The following CUX2 variants were observed in gnomAD, a reference collection of about 807,000 sequenced individuals.
CUX2 encodes the protein homeobox protein cut-like 2.
A neutral mutation model predicts 144.8 loss-of-function variants in CUX2; 40 were observed. That is an observed-to-expected ratio of 0.28 (90% CI 0.21 to 0.36). The LOEUF (loss-of-function observed/expected upper bound fraction) is 0.36, where lower values mean the gene tolerates loss of function less well. Ranked by LOEUF, CUX2 falls within the 10% of genes least tolerant of loss-of-function variation. The probability of loss-of-function intolerance (pLI) is 1.00; values close to 1 mark genes in which losing one functional copy is unlikely to be tolerated. For synonymous variants in CUX2, 827 were observed against 875.6 expected, an observed-to-expected ratio of 0.94 and a Z score of 0.98; for missense variants, 1,615 against 1,994.0, an observed-to-expected ratio of 0.81 and a Z score of 3.62.
intron 7 of CUX2, 22 bp from the exon 8 acceptor site, chr12:111,296,450 AC>A: frequency 6.3e-7 from 1 of 1,592,196 alleles, no homozygotes; most frequent in Non-Finnish European, 8.6e-7. Context: ...GTGGGGCCTC[AC>A]CCTGCCTCTG....
chr12:111,052,194 G>A (rs1870301482), intron 1 of CUX2, among the ~76,000 whole-genome samples: 1 of 152,124 alleles, frequency 6.6e-6, no homozygotes. Context: ...GATCCTTGGA[G>A]CTTACTCAAT....
chr12:111,053,049 G>A (rs1210647544), intron 1 of CUX2, among the ~76,000 whole-genome samples: 1 of 152,038 alleles, frequency 6.6e-6, no homozygotes. Context: ...TTGCCGAACA[G>A]ACTGGCTCTG....
chr12:111,233,095 G>A (rs2136247255), intron 3 of CUX2, among the ~76,000 whole-genome samples: 1 of 152,312 alleles, frequency 6.6e-6, no homozygotes, highest in South Asian at 2.1e-4. Flanking sequence ...GGCATGCCAG[G>A]TAAAAGGAAT....
chr12:111,084,863 G>A (rs1183583547), intron 1 of CUX2, among the ~76,000 whole-genome samples: 1 of 152,148 alleles, frequency 6.6e-6, no homozygotes, highest in Non-Finnish European at 1.5e-5. Context: ...CTTCTGGAGA[G>A]GCTGCTGCGG....
chr12:111,109,056 C>T (rs574117081), intron 1 of CUX2, among the ~76,000 whole-genome samples: 3 of 152,274 alleles, frequency 2.0e-5, no homozygotes, highest in East Asian at 1.9e-4. Context: ...AGCTGTCAGC[C>T]GGTCCATCCA....
intron 4 of CUX2, among the ~76,000 whole-genome samples, chr12:111,267,224 A>C (rs913475887): frequency 5.3e-5 from 8 of 151,378 alleles, no homozygotes; most frequent in Non-Finnish European, 1.0e-4. Flanking sequence ...AAAAGAAAGA[A>C]AGGGAGGGAG....
Position 111,170,545 on chromosome 12 carries a change from C to CTTT in CUX2, c.64-43631_64-43629dup, listed in dbSNP as rs34282526. On this transcript the variant is annotated intron_variant, in intron 1 of 21. Transcript: ENST00000261726. ...AGCTGGATGCACACCCCCAGCTCTT[C>CTTT]TTTTTTTTTTTTTTTTTTTTTTTTT... Among the ~76,000 whole-genome samples, 428 of 79,946 alleles carry CTTT rather than the reference C, an allele frequency of 5.4e-3. 46 individuals carry two copies. The highest frequency in any genetic ancestry group is 0.024 in the African/African-American group (403 of 17,146). The allele number at this position is 79,946 out of a possible 152,430, so 52.4% of individuals were successfully genotyped here. A position where few individuals can be genotyped will look rare whatever the true frequency, so the allele number is the denominator to read the frequency against.
In CUX2 at chr12:111,270,991, CA is replaced by C. The variant is rs919671324; in HGVS notation, c.301+7153del. ...AAGAGGGATAGTAATAGAACCTACT[CA>C]GGGGTGGACGTGAGGATTCGCTACG... On this transcript the variant is annotated intron_variant, in intron 4 of 21. Transcript: ENST00000261726. Among the ~76,000 whole-genome samples, 10 of 152,272 alleles carry C rather than the reference CA, an allele frequency of 6.6e-5. No individual in the cohort carries two copies. The East Asian group carries it at 9.6e-4, about 15-fold the overall frequency.
chr12:111,112,077 G>C (rs1874006526), intron 1 of CUX2, among the ~76,000 whole-genome samples: 1 of 152,190 alleles, frequency 6.6e-6, no homozygotes, highest in African/African-American at 2.4e-5. Context: ...GCTAAGCAAA[G>C]AAAGTGGTTG....
intron 1 of CUX2, among the ~76,000 whole-genome samples, chr12:111,074,938 C>T (rs543536952): frequency 1.5e-4 from 22 of 150,650 alleles, no homozygotes; most frequent in African/African-American, 4.7e-4. Context: ...AGACCTGGTC[C>T]CCCAGAACTG....
Position 111,324,107 on chromosome 12 carries a change from T to G in CUX2, c.2926+1527T>G, listed in dbSNP as rs149186222. Among the ~76,000 whole-genome samples, 397 of 151,950 alleles carry G rather than the reference T, an allele frequency of 2.6e-3. 2 individuals carry two copies. The highest frequency in any genetic ancestry group is 5.6e-3 in the Admixed American group (86 of 15,260). On this transcript the variant is annotated intron_variant, in intron 18 of 21. Transcript: ENST00000261726. The stretch of plus-strand genomic sequence containing the variant: ...GGCTCACACCTGTAATCCCAGCACT[T>G]TGGGAGGCCAAGGCGGGCGGATCAC...
At position 111,334,296 on chromosome 12, in the gene CUX2, G is replaced by A. The variant is rs1302036168; in HGVS notation, c.2927-145G>A. ...TTCATCCACTAGTTTTAGCATCCAG[G>A]GTGGTCCCTACCTGAGCGATTATTA... On this transcript the variant is annotated intron_variant, in intron 18 of 21. Coordinates refer to ENST00000261726, the MANE Select transcript of CUX2 (RefSeq NM_015267.4). 4.0e-6 allele frequency: 3 copies of A among 744,208 alleles called. No individual in the cohort carries two copies. The East Asian group carries it at 8.4e-5, about 21-fold the overall frequency. The allele number at this position is 744,208 out of a possible 1,614,324, so 46.1% of individuals were successfully genotyped here. A position where few individuals can be genotyped will look rare whatever the true frequency, so the allele number is the denominator to read the frequency against.
At chr12:111,290,363 G>A (rs905013117) in intron 4 of CUX2, among the ~76,000 whole-genome samples, 7 of 152,148 alleles carry the variant, frequency 4.6e-5, no homozygotes, top group Non-Finnish European at 8.8e-5. Flanking sequence ...CCAGGCTCAA[G>A]TGATCCTCCC....
Position 111,334,591 on chromosome 12 carries a change from A to G in CUX2, c.3077A>G (p.Lys1026Arg). Residue 1026 changes from lysine to arginine, a missense_variant, in exon 19 of 22, where the codon AAG (lysine) becomes AGG (arginine). By Grantham distance (26) the Lys-to-Arg change is conservative. Around this residue, in one of 12 missense-constraint regions of CUX2, gnomAD observed 128 missense variants for 124.4 expected, o/e 1.03. Transcript: ENST00000261726. ...CGCTCCAGCTCCTCGTTGAGCGGGA[A>G]GATGTACTCAGGCAGCCAGGCCCCA... ...EGRSSSSLSGKMYSGSQAPGG... is the reference protein window; with the variant it reads ...EGRSSSSLSGRMYSGSQAPGG... 1 of 1,614,054 alleles carries G rather than the reference A, an allele frequency of 6.2e-7. No individual in the cohort carries two copies. The highest frequency in any genetic ancestry group is 8.5e-7 in the Non-Finnish European group (1 of 1,180,026).
In CUX2 at chr12:111,295,582, C is replaced by G. The variant is rs1323751052; in HGVS notation, c.637+173C>G. 6.6e-6 allele frequency among the ~76,000 whole-genome samples: 1 copy of G among 152,040 alleles called. No homozygotes were observed. Among genetic ancestry groups the G allele is most frequent in the African/African-American group, 2.4e-5 (1 of 41,374 alleles). ...AGTGGGGGGCTGAGCCTCTATGCCC[C>G]AGAGGCCACATTGCTGTGGAAAGAG... On this transcript the variant is annotated intron_variant, in intron 7 of 21. Coordinates refer to ENST00000261726, the MANE Select transcript of CUX2 (RefSeq NM_015267.4). This position sits in a 1 kb window ranked among gnomAD's most constrained non-coding sequence, Gnocchi z 5.0.
At chr12:111,079,534 C>T (rs529340258) in intron 1 of CUX2, among the ~76,000 whole-genome samples, 4 of 152,136 alleles carry the variant, frequency 2.6e-5, no homozygotes, top group African/African-American at 7.2e-5. Flanking sequence ...GCTGTGTTTT[C>T]GGCTTGTCTT....
rs1869658575 is a variant in CUX2 at position 111,039,970 on chromosome 12, G to A, written c.63+5730G>A. Among the ~76,000 whole-genome samples, 1 of 152,160 alleles carries A rather than the reference G, an allele frequency of 6.6e-6. No individual in the cohort carries two copies. Among genetic ancestry groups the A allele is most frequent in the African/African-American group, 2.4e-5 (1 of 41,434 alleles). ...GCCCTTCACCAAAATGGCTTGTAGT[G>A]TTTTGGAGGATGTAGACATTATATT... On this transcript the variant is annotated intron_variant, in intron 1 of 21. Coordinates refer to ENST00000261726, the MANE Select transcript of CUX2 (RefSeq NM_015267.4). This position sits in a 1 kb window ranked among gnomAD's most constrained non-coding sequence, Gnocchi z 4.2.
At chr12:111,336,932 T>C (rs371853072) in intron 19 of CUX2, among the ~76,000 whole-genome samples, 14 of 151,946 alleles carry the variant, frequency 9.2e-5, no homozygotes, top group African/African-American at 3.1e-4. Context: ...CCCAGCACTT[T>C]GGGAGGCCGA....
intron 1 of CUX2, among the ~76,000 whole-genome samples, chr12:111,120,751 T>C (rs1231592155): frequency 2.0e-5 from 3 of 151,718 alleles, no homozygotes; most frequent in Admixed American, 6.6e-5. Flanking sequence ...GAGATTAGCA[T>C]AGAGAAAATA....
Sources: allele counts gnomAD v4.1 joint callset (sites outside exome capture counted in the v4.1 genomes callset), GRCh38; gene constraint gnomAD v4.1.1; regional missense constraint gnomAD v4.1.1; non-coding constraint Gnocchi (gnomAD v3.1); transcripts MANE v1.5; gene names NCBI Gene and HGNC (gene_info 2026-07-23, HGNC 2026-07-21).